The following DGKB variants were observed in gnomAD, a reference collection of about 807,000 sequenced individuals.
The protein encoded by DGKB is diacylglycerol kinase beta.
Under a neutral mutation model 114.3 loss-of-function variants are expected in DGKB, and 67 were observed. The ratio of observed to expected loss-of-function variants is 0.59; its 90% CI spans 0.48 to 0.72. The LOEUF is 0.72. DGKB is among the 30% of genes least tolerant of loss of function. The pLI is 0.00. For missense variants in DGKB, 907 were observed against 975.2 expected (o/e 0.93, Z 0.93); for synonymous variants, 398 against 323.1 (o/e 1.23, Z -2.49).
At chr7:14,934,031 AG>A (rs1785160417) in intron 1 of DGKB, among the ~76,000 whole-genome samples, 1 of 152,176 alleles carries the variant, frequency 6.6e-6, no homozygotes, top group Admixed American at 6.5e-5. Flanking sequence ...TCCATAGCAT[AG>A]CAAAATACTA....
In DGKB at chr7:14,590,751, T is replaced by A. The variant is rs146043350; in HGVS notation, c.1434-7614A>T. 6.8e-3 allele frequency among the ~76,000 whole-genome samples: 1,028 copies of A among 152,268 alleles called. 59 individuals are homozygous for A. The highest frequency in any genetic ancestry group is 0.061 in the Admixed American group (925 of 15,260). ...TAGAATAGAATTAACACCACGTGGT[T>A]TGTTGGGCTCTTTATATACACATAA... On this transcript the variant is annotated intron_variant, in intron 17 of 25. Coordinates refer to ENST00000402815, the MANE Select transcript of DGKB (RefSeq NM_001350709.2).
chr7:14,511,336 T>C (rs1254120837), intron 20 of DGKB, among the ~76,000 whole-genome samples: 1 of 152,202 alleles, frequency 6.6e-6, no homozygotes, highest in Non-Finnish European at 1.5e-5. Context: ...ACTTGCTTGC[T>C]GTGTCACCTT....
chr7:14,617,766 T>C (rs1041773725), intron 15 of DGKB, among the ~76,000 whole-genome samples: 1 of 151,652 alleles, frequency 6.6e-6, no homozygotes, highest in African/African-American at 2.4e-5. Flanking sequence ...CCTAGGCATA[T>C]ACTTACCTTA....
At chr7:14,537,986 A>G (rs1300060790) in intron 20 of DGKB, among the ~76,000 whole-genome samples, 1 of 149,538 alleles carries the variant, frequency 6.7e-6, no homozygotes, top group East Asian at 2.1e-4. Context: ...AGGCTGAGGC[A>G]GGAGAATCCC....
rs1781823042 is a variant in DGKB, at chr7:14,176,910, A to G, written c.2244-11T>C. 6 of 1,613,048 alleles carry G rather than the reference A, an allele frequency of 3.7e-6. No individual in the cohort carries two copies. Among genetic ancestry groups the G allele is most frequent in the South Asian group, 1.1e-5 (1 of 91,066 alleles). Reference sequence around the variant, plus strand: ...AGAGACTTGCTCGTCCTGGGGGAAAATATTTCATTGTAAGTATTGCAAGGA... The same window carrying G: ...AGAGACTTGCTCGTCCTGGGGGAAAGTATTTCATTGTAAGTATTGCAAGGA... On this transcript the variant is annotated splice_polypyrimidine_tract_variant and intron_variant, in intron 24 of 25. Transcript: ENST00000402815.
intron 21 of DGKB, among the ~76,000 whole-genome samples, chr7:14,379,421 A>G (rs1337094762): frequency 7.1e-6 from 1 of 140,510 alleles, no homozygotes; most frequent in East Asian, 2.0e-4. Flanking sequence ...TTTTTTTTCC[A>G]CTTTCTGTTT....
chr7:14,857,937 A>T (rs749711738), intron 1 of DGKB, among the ~76,000 whole-genome samples: 1 of 152,150 alleles, frequency 6.6e-6, no homozygotes, highest in African/African-American at 2.4e-5. Flanking sequence ...TATGTGTCCA[A>T]TGTGAATGTA....
intron 23 of DGKB, among the ~76,000 whole-genome samples, chr7:14,236,031 A>G (rs1417129701): frequency 6.6e-6 from 1 of 152,086 alleles, no homozygotes; most frequent in Non-Finnish European, 1.5e-5. Context: ...TGAAATAAAT[A>G]AGAAATAAGC....
chr7:14,779,132 G>A (rs1159552068), intron 2 of DGKB, among the ~76,000 whole-genome samples: 4 of 152,132 alleles, frequency 2.6e-5, no homozygotes, highest in Non-Finnish European at 4.4e-5. Context: ...CTCCAGCCTG[G>A]GAGACAGAGT....
At chr7:14,572,830 A>G (rs978942651) in intron 20 of DGKB, among the ~76,000 whole-genome samples, 7 of 152,210 alleles carry the variant, frequency 4.6e-5, no homozygotes, top group African/African-American at 1.7e-4. Flanking sequence ...GTGTGATTTT[A>G]AAAATTATTT....
chr7:14,868,401 C>G (rs1587030361), intron 1 of DGKB, among the ~76,000 whole-genome samples: 1 of 147,280 alleles, frequency 6.8e-6, no homozygotes, highest in African/African-American at 2.5e-5. Flanking sequence ...AGTGGAGGAT[C>G]TCGGCTCACT....
chr7:14,204,080 C>T (rs992290987), intron 23 of DGKB, among the ~76,000 whole-genome samples: 2 of 151,980 alleles, frequency 1.3e-5, no homozygotes, highest in African/African-American at 4.8e-5. Context: ...CACTCACTGA[C>T]AAGCACATTC....
chr7:14,782,318 GC>G (rs759208047), intron 2 of DGKB, among the ~76,000 whole-genome samples: 146 of 152,220 alleles, frequency 9.6e-4, no homozygotes, highest in Non-Finnish European at 1.7e-3. Context: ...GAGCCACTGT[GC>G]CCCCGGCCTG....
intron 25 of DGKB, among the ~76,000 whole-genome samples, chr7:14,157,758 C>A (rs1389389598): frequency 1.3e-5 from 2 of 152,150 alleles, no homozygotes; most frequent in African/African-American, 4.8e-5. Flanking sequence ...CATGTCTCTA[C>A]AGAGAAATGA....
intron 1 of DGKB, among the ~76,000 whole-genome samples, chr7:14,856,747 A>T (rs111992633): frequency 4.4e-4 from 67 of 152,260 alleles, no homozygotes; most frequent in African/African-American, 1.6e-3. Context: ...TATTAAAACC[A>T]ATAATGCAAA....
Position 14,373,204 on chromosome 7 carries a change from G to A in DGKB, c.1836-27813C>T, listed in dbSNP as rs548158385. 1.1e-4 allele frequency among the ~76,000 whole-genome samples: 17 copies of A among 152,310 alleles called. No homozygotes were observed. The East Asian group carries it at 1.5e-3, about 14-fold the overall frequency. ...AACCCCTGCAAATAATTTGGAACAT[G>A]ACAGAGAATAATTCTTTGTGGATTT... is the stretch of plus-strand genomic sequence containing the variant. On this transcript the variant is annotated intron_variant, in intron 21 of 25. Coordinates refer to ENST00000402815, the MANE Select transcript of DGKB (RefSeq NM_001350709.2).
At chr7:14,902,478 G>A (rs1783252440) in intron 1 of DGKB, 114 bp downstream of exon 1, 1 of 152,184 alleles carries the variant, frequency 6.6e-6, no homozygotes, top group Non-Finnish European at 1.5e-5. Context: ...ATTTCATGGA[G>A]AATTCAAAGC....
chr7:14,235,098 A>C (rs1792558054), intron 23 of DGKB, among the ~76,000 whole-genome samples: 1 of 152,072 alleles, frequency 6.6e-6, no homozygotes, highest in Admixed American at 6.6e-5. Context: ...CTCAGGTATT[A>C]GACCTGAGTA....
intron 2 of DGKB, among the ~76,000 whole-genome samples, chr7:14,825,351 T>C (rs1845555704): frequency 6.6e-6 from 1 of 152,090 alleles, no homozygotes; most frequent in Admixed American, 6.6e-5. Context: ...CATTGTAATA[T>C]GTAATGAAAT....
Sources: allele counts gnomAD v4.1 joint callset (sites outside exome capture counted in the v4.1 genomes callset), GRCh38; gene constraint gnomAD v4.1.1; transcripts MANE v1.5; gene names NCBI Gene and HGNC (gene_info 2026-07-23, HGNC 2026-07-21).